Variants in XPR1 observed in about 807,000 individuals in gnomAD.
XPR1 encodes xenotropic and polytropic retrovirus receptor 1, also known as solute carrier family 53 member 1.
Under a neutral mutation model 87.5 loss-of-function variants are expected in XPR1, and 28 were observed. The observed-to-expected ratio is 0.32, with a 90% CI of 0.24 to 0.44. The LOEUF (loss-of-function observed/expected upper bound fraction) is 0.44, where lower values mean the gene tolerates loss of function less well. XPR1 is among the 20% of genes least tolerant of loss of function. XPR1 has a pLI of 1.00. For missense variants in XPR1, 559 were observed against 862.3 expected (o/e 0.65, Z 4.41); for synonymous variants, 300 against 306.1 (o/e 0.98, Z 0.21).
At chr1:180,716,785 A>G (rs10914077) in intron 2 of XPR1, among the ~76,000 whole-genome samples, 52,529 of 152,012 alleles carry the variant, frequency 0.35, 9,509 homozygotes, top group Non-Finnish European at 0.39. Flanking sequence ...TTCAGCAGCT[A>G]TTTGCTACCT....
intron 12 of XPR1, among the ~76,000 whole-genome samples, chr1:180,866,773 A>G (rs187065628): frequency 8.2e-4 from 117 of 142,008 alleles, no homozygotes; most frequent in African/African-American, 2.9e-3. Context: ...TAATCAAGAT[A>G]TAACACTATA....
chr1:180,719,756 C>CTTTTTTTTTTTTTTTTACACTACATT (rs1658117224), intron 2 of XPR1, among the ~76,000 whole-genome samples: 1 of 152,114 alleles, frequency 6.6e-6, no homozygotes, highest in South Asian at 2.1e-4. Context: ...TAAAAAATCA[C>CTTTTTTTTTTTTTTTTACACTACATT]ACATTTAAAT....
chr1:180,691,545 G>A (rs1418266672), intron 2 of XPR1, among the ~76,000 whole-genome samples: 1 of 152,084 alleles, frequency 6.6e-6, no homozygotes, highest in African/African-American at 2.4e-5. Context: ...TAGAGATAAG[G>A]ACATAAGTAA....
chr1:180,714,748 TCTTC>T (rs1249210395), intron 2 of XPR1, among the ~76,000 whole-genome samples: 1 of 152,148 alleles, frequency 6.6e-6, no homozygotes, highest in Non-Finnish European at 1.5e-5. Flanking sequence ...GTTACTATTT[TCTTC>T]CTTCTTTCTT....
At chr1:180,825,680 G>A (rs140512121) in intron 9 of XPR1, among the ~76,000 whole-genome samples, 5 of 152,252 alleles carry the variant, frequency 3.3e-5, no homozygotes, top group African/African-American at 9.6e-5. Context: ...AGTATCAACC[G>A]AACATTTTAT....
intron 2 of XPR1, among the ~76,000 whole-genome samples, chr1:180,780,115 C>G (rs1270781553): frequency 1.3e-5 from 2 of 152,158 alleles, no homozygotes; most frequent in Non-Finnish European, 2.9e-5. Flanking sequence ...TAATGCTGCT[C>G]TGAACATTCA....
At chr1:180,668,888 A>G (rs1303047511) in intron 1 of XPR1, among the ~76,000 whole-genome samples, 1 of 152,040 alleles carries the variant, frequency 6.6e-6, no homozygotes, top group Non-Finnish European at 1.5e-5. Context: ...TCAGGAGTTC[A>G]GGACCAGCCT....
intron 2 of XPR1, among the ~76,000 whole-genome samples, chr1:180,760,226 C>T (rs1647957685): frequency 6.6e-6 from 1 of 152,136 alleles, no homozygotes. Context: ...CCCTCTCTTA[C>T]CGCTCCTATT....
rs1655724602 is a variant in XPR1 at position 180,660,368 on chromosome 1, A to G, written c.70-21992A>G. Among the ~76,000 whole-genome samples the G allele has an allele frequency of 2.6e-5, 4 of 151,656 alleles. No homozygotes were observed. In the South Asian group the frequency reaches 6.2e-4, roughly 24 times the overall value. On this transcript the variant is annotated intron_variant, in intron 1 of 14. Coordinates refer to ENST00000367590, the MANE Select transcript of XPR1 (RefSeq NM_004736.4). ...TTCATTTATTTCTGTTCTGATCTTT[A>G]TTATTTCTTTTCTTCTGGTAACTTT...
chr1:180,803,461 A>G lies in XPR1; in HGVS notation c.297A>G (p.Lys99=), dbSNP rs143740449. ...NELQSSLDAQ[K]ESTGVTTLRQ... ...TTCAGTCATCACTGGATGCACAGAA[A>G]GAAAGCACTGGTGTTACTACGCTGC... Residue 99 remains lysine, a synonymous_variant, in exon 4 of 15, where the codon AAA becomes AAG. Transcript: ENST00000367590. 14 of 1,614,012 alleles carry G rather than the reference A, an allele frequency of 8.7e-6. No homozygotes were observed. In the African/African-American group the frequency reaches 1.3e-4, roughly 15 times the overall value.
intron 2 of XPR1, among the ~76,000 whole-genome samples, chr1:180,775,598 T>G (rs1295731778): frequency 6.6e-6 from 1 of 152,240 alleles, no homozygotes; most frequent in African/African-American, 2.4e-5. Flanking sequence ...TTACTAATAG[T>G]TTAGTTAAAA....
At chr1:180,854,075 A>T (rs994747716) in intron 11 of XPR1, among the ~76,000 whole-genome samples, 1 of 152,218 alleles carries the variant, frequency 6.6e-6, no homozygotes, top group Non-Finnish European at 1.5e-5. Flanking sequence ...AAAGGCAAGG[A>T]AAGTTTAATA....
At chr1:180,851,076 C>T (rs1651853979) in intron 11 of XPR1, among the ~76,000 whole-genome samples, 1 of 151,764 alleles carries the variant, frequency 6.6e-6, no homozygotes, top group African/African-American at 2.4e-5. Flanking sequence ...GGAGAGAAGG[C>T]AGAAACACAT....
At chr1:180,664,802 C>A (rs1044972925) in intron 1 of XPR1, among the ~76,000 whole-genome samples, 2 of 152,158 alleles carry the variant, frequency 1.3e-5, no homozygotes, top group African/African-American at 4.8e-5. Flanking sequence ...TCAGTTTTTT[C>A]ATGGGGTGGA....
chr1:180,659,449 T>TCCTCCCTCC (rs1655685984), intron 1 of XPR1, among the ~76,000 whole-genome samples: 1 of 115,436 alleles, frequency 8.7e-6, no homozygotes, highest in Non-Finnish European at 1.7e-5. Context: ...CTTCCCTCCT[T>TCCTCCCTCC]CTTCCCTCCC....
intron 7 of XPR1, among the ~76,000 whole-genome samples, chr1:180,819,564 G>C (rs1304292207): frequency 1.3e-5 from 2 of 152,144 alleles, no homozygotes; most frequent in Non-Finnish European, 2.9e-5. Context: ...TTCTTCCTAT[G>C]TAGGACAGAA....
In XPR1 at chr1:180,813,884, A is replaced by AT. The variant is rs1255363785; in HGVS notation, c.763+2397dup. ...ATGGCAAAACTGCAATTACTTTTGCATCAACCTGTATGATTTAAAAATAGA... is the reference window on the plus strand; with the variant it reads ...ATGGCAAAACTGCAATTACTTTTGCATTCAACCTGTATGATTTAAAAATAGA... On this transcript the variant is annotated intron_variant, in intron 7 of 14. Coordinates refer to ENST00000367590, the MANE Select transcript of XPR1 (RefSeq NM_004736.4). Among the ~76,000 whole-genome samples the AT allele has an allele frequency of 1.8e-4, 28 of 152,344 alleles. No homozygotes were observed. The East Asian group carries it at 2.5e-3, about 14-fold the overall frequency.
At chr1:180,669,260 T>G (rs1181951455) in intron 1 of XPR1, among the ~76,000 whole-genome samples, 1 of 152,218 alleles carries the variant, frequency 6.6e-6, no homozygotes, top group Non-Finnish European at 1.5e-5. Context: ...GGTCGAGAGA[T>G]ATTGAAGTCT....
intron 2 of XPR1, among the ~76,000 whole-genome samples, chr1:180,769,983 G>A (rs1042584263): frequency 6.6e-6 from 1 of 152,128 alleles, no homozygotes; most frequent in Non-Finnish European, 1.5e-5. Flanking sequence ...ACTGGGGTGA[G>A]TCTGTATTTT....
Sources: gnomAD v4.1 joint callset for allele counts (sites outside exome capture counted in the v4.1 genomes callset) on GRCh38, gnomAD v4.1.1 for gene constraint, MANE v1.5 for transcripts, NCBI Gene and HGNC (gene_info 2026-07-23, HGNC 2026-07-21) for gene names.